The following TRPS1 variants were observed in gnomAD, a reference collection of about 807,000 sequenced individuals.
TRPS1 encodes zinc finger transcription factor Trps1.
TRPS1 carries 6 observed loss-of-function variants against 101.2 expected under a neutral mutation model. The ratio of observed to expected loss-of-function variants is 0.06; its 90% CI spans 0.03 to 0.12. The LOEUF (loss-of-function observed/expected upper bound fraction) is 0.12, where lower values mean the gene tolerates loss of function less well. Ranked by LOEUF, TRPS1 falls within the 10% of genes least tolerant of loss-of-function variation. The pLI is 1.00. For missense variants in TRPS1, 1,363 were observed against 1,567.0 expected (o/e 0.87, Z 2.20); for synonymous variants, 578 against 589.8 (o/e 0.98, Z 0.29).
Position 115,619,415 on chromosome 8 carries a change from A to C in TRPS1, c.683T>G (p.Leu228Arg). Residue 228 changes from leucine (L) to arginine (R), a missense_variant, in exon 3 of 7, where the codon CTG (leucine) becomes CGG (arginine). By Grantham distance (102) the Leu-to-Arg change is moderately radical. Transcript: ENST00000395715. Reference sequence around the variant, plus strand: ...TTTAAAGTCCTGAAGCTCTGGAGACAGAGGTGCCGGGTCTGGGTTGTCATT... The same window carrying C: ...TTTAAAGTCCTGAAGCTCTGGAGACCGAGGTGCCGGGTCTGGGTTGTCATT... ...LVNDNPDPAP[L>R]SPELQDFKCN... The C allele has an allele frequency of 6.2e-7, 1 of 1,614,232 alleles. No homozygotes were observed.
intron 5 of TRPS1, among the ~76,000 whole-genome samples, chr8:115,567,068 G>A (rs1391656241): frequency 6.6e-6 from 1 of 152,008 alleles, no homozygotes; most frequent in Admixed American, 6.6e-5. Context: ...AATATTTCTT[G>A]CCAACTATGG....
At chr8:115,570,819 T>C (rs1318272482) in intron 5 of TRPS1, among the ~76,000 whole-genome samples, 1 of 152,098 alleles carries the variant, frequency 6.6e-6, no homozygotes, top group African/African-American at 2.4e-5. Flanking sequence ...AACTGGAAAC[T>C]ACATGCATGC....
At chr8:115,422,424 TG>T (rs1485711635) in intron 5 of TRPS1, among the ~76,000 whole-genome samples, 1 of 151,854 alleles carries the variant, frequency 6.6e-6, no homozygotes, top group Admixed American at 6.6e-5. Context: ...TGGAGGGCAG[TG>T]GCGCGATCTC....
chr8:115,410,815 A>T lies in TRPS1; in HGVS notation c.*3208T>A, dbSNP rs1484358248. 6.6e-6 allele frequency: 1 copy of T among 151,998 alleles called. No individual in the cohort carries two copies. The highest frequency in any genetic ancestry group is 2.4e-5 in the African/African-American group (1 of 41,420). The allele number at this position is 151,998 out of a possible 1,614,324, so 9.4% of individuals were successfully genotyped here. On this transcript the variant is annotated 3_prime_UTR_variant, in exon 7 of 7. Transcript: ENST00000395715. ...TATTTTCAGTTTTTAAATGGCACACAATTTTAGCTGGCACATCATTTTCAT... is the reference window on the plus strand; with the variant it reads ...TATTTTCAGTTTTTAAATGGCACACTATTTTAGCTGGCACATCATTTTCAT...
intron 5 of TRPS1, among the ~76,000 whole-genome samples, chr8:115,485,775 G>A (rs1814864447): frequency 6.6e-6 from 1 of 152,216 alleles, no homozygotes; most frequent in African/African-American, 2.4e-5. Context: ...TTTGAACAAA[G>A]AGATGATATA....
rs1286822522 is a variant in TRPS1 at position 115,604,515 on chromosome 8, T to C, written c.1454A>G (p.Asn485Ser). ...VQSGGLNPEL[N>S]DKLSRGSVIN... Reference sequence around the variant, plus strand: ...GACAGAGCCCCTGGAAAGCTTATCATTTAACTCTGGATTAAGGCCGCCTGA... The same window carrying C: ...GACAGAGCCCCTGGAAAGCTTATCACTTAACTCTGGATTAAGGCCGCCTGA... The change falls in exon 4 of 7, where the codon AAT becomes AGT. Residue 485 changes from asparagine (N) to serine (S), a missense_variant. By Grantham distance (46) the Asn-to-Ser change is conservative. Coordinates refer to ENST00000395715, the MANE Select transcript of TRPS1 (RefSeq NM_014112.5). This position sits in a 1 kb window ranked among gnomAD's most constrained non-coding sequence, Gnocchi z 4.1. 1 of 1,614,006 alleles carries C rather than the reference T, an allele frequency of 6.2e-7. No individual in the cohort carries two copies. Among genetic ancestry groups the C allele is most frequent in the Non-Finnish European group, 8.5e-7 (1 of 1,180,002 alleles).
intron 5 of TRPS1, among the ~76,000 whole-genome samples, chr8:115,559,184 C>G (rs1347387813): frequency 1.3e-5 from 2 of 151,964 alleles, no homozygotes; most frequent in Non-Finnish European, 2.9e-5. Flanking sequence ...TTTATGCTAC[C>G]CAGTTTATTA....
chr8:115,442,507 G>A (rs778827584), intron 5 of TRPS1, among the ~76,000 whole-genome samples: 1 of 151,642 alleles, frequency 6.6e-6, no homozygotes, highest in Non-Finnish European at 1.5e-5. Context: ...TCTTGCTGGC[G>A]AACAGAGGTC....
intron 1 of TRPS1, among the ~76,000 whole-genome samples, chr8:115,658,746 G>T (rs1320164803): frequency 6.6e-6 from 1 of 152,062 alleles, no homozygotes; most frequent in Non-Finnish European, 1.5e-5. Context: ...ACAAATACAT[G>T]TAACACTAAA....
Position 115,619,164 on chromosome 8 carries a change from G to A in TRPS1, c.934C>T (p.Pro312Ser), listed in dbSNP as rs746366795. Reference protein sequence around the residue: ...GVLQDINSSRPVLLNGTYDVQ... With the variant: ...GVLQDINSSRSVLLNGTYDVQ... ...TCATAGGTCCCATTTAGTAAAACAG[G>A]CCTTGAAGAATTGATGTCCTGCAGC... The change falls in exon 3 of 7, where the codon CCT (proline) becomes TCT (serine). Residue 312 changes from proline to serine, a missense_variant. By Grantham distance (74) the Pro-to-Ser change is moderately conservative. Around this residue, in one of 5 missense-constraint regions of TRPS1, gnomAD observed 1,020 missense variants for 1,073.0 expected, o/e 0.95. Coordinates refer to ENST00000395715, the MANE Select transcript of TRPS1 (RefSeq NM_014112.5). The A allele has an allele frequency of 2.5e-6, 4 of 1,613,954 alleles. No homozygotes were observed. The African/African-American group carries it at 5.3e-5, about 22-fold the overall frequency.
At position 115,533,436 on chromosome 8, in the gene TRPS1, G is replaced by GTTTTTTTTTTTTTTTTTTTTT. The variant is rs1161916592; in HGVS notation, c.2700+53544_2700+53564dup. 1.7e-4 allele frequency among the ~76,000 whole-genome samples: 6 copies of GTTTTTTTTTTTTTTTTTTTTT among 35,002 alleles called. 2 individuals are homozygous for GTTTTTTTTTTTTTTTTTTTTT. Among genetic ancestry groups the GTTTTTTTTTTTTTTTTTTTTT allele is most frequent in the South Asian group, 1.1e-3 (1 of 870 alleles). The allele number at this position is 35,002 out of a possible 152,430, so 23.0% of individuals were successfully genotyped here. ...GGGGCCCGCTTCCCACATGTAATCT[G>GTTTTTTTTTTTTTTTTTTTTT]TTTTTTTTTTTTTTTTTTTTTTTCC... On this transcript the variant is annotated intron_variant, in intron 5 of 6. Coordinates refer to ENST00000395715, the MANE Select transcript of TRPS1 (RefSeq NM_014112.5).
intron 1 of TRPS1, among the ~76,000 whole-genome samples, chr8:115,650,174 G>A (rs973971705): frequency 6.6e-6 from 1 of 152,198 alleles, no homozygotes; most frequent in African/African-American, 2.4e-5. Flanking sequence ...ACTCTACAGT[G>A]AAACTGTTTC....
chr8:115,517,801 T>A (rs1002675458), intron 5 of TRPS1, among the ~76,000 whole-genome samples: 1 of 151,776 alleles, frequency 6.6e-6, no homozygotes, highest in Non-Finnish European at 1.5e-5. Context: ...TCAGTCTGAC[T>A]CCAGGCTCTG....
chr8:115,486,446 C>T (rs1300059843), intron 5 of TRPS1, among the ~76,000 whole-genome samples: 1 of 152,132 alleles, frequency 6.6e-6, no homozygotes, highest in African/African-American at 2.4e-5. Context: ...AGAGCTGTCT[C>T]ACTTTAAAGG....
At chr8:115,489,071 G>A (rs1469207780) in intron 5 of TRPS1, among the ~76,000 whole-genome samples, 1 of 151,992 alleles carries the variant, frequency 6.6e-6, no homozygotes, top group African/African-American at 2.4e-5. Context: ...TAATCTATAT[G>A]ACTTAATTTG....
At chr8:115,639,024 G>T (rs1318714645) in intron 1 of TRPS1, among the ~76,000 whole-genome samples, 11 of 152,066 alleles carry the variant, frequency 7.2e-5, no homozygotes, top group Admixed American at 7.2e-4. Flanking sequence ...GGAGAAAGAG[G>T]TACTTTCTGC....
intron 5 of TRPS1, among the ~76,000 whole-genome samples, chr8:115,454,246 C>G (rs998818003): frequency 3.9e-5 from 6 of 152,114 alleles, no homozygotes; most frequent in Non-Finnish European, 8.8e-5. Flanking sequence ...TGAGTATCAC[C>G]CTGGATACAG....
At chr8:115,445,827 TA>T (rs1466469940) in intron 5 of TRPS1, among the ~76,000 whole-genome samples, 7 of 152,162 alleles carry the variant, frequency 4.6e-5, no homozygotes, top group Non-Finnish European at 7.4e-5. Context: ...CACAGCAATG[TA>T]AAAAAACTTA....
chr8:115,617,328 A>G (rs554552972), intron 3 of TRPS1, among the ~76,000 whole-genome samples: 1 of 152,312 alleles, frequency 6.6e-6, no homozygotes, highest in South Asian at 2.1e-4. Flanking sequence ...TAGTTCTATT[A>G]GTTCAAACTC....
Sources: gnomAD v4.1 joint callset for allele counts (sites outside exome capture counted in the v4.1 genomes callset) on GRCh38, gnomAD v4.1.1 for gene constraint, gnomAD v4.1.1 regional missense constraint, Gnocchi (gnomAD v3.1) non-coding constraint, MANE v1.5 for transcripts, NCBI Gene and HGNC (gene_info 2026-07-23, HGNC 2026-07-21) for gene names.